The following PCOLCE2 variants were observed in gnomAD, a reference collection of about 807,000 sequenced individuals.
The protein encoded by PCOLCE2 is procollagen C-endopeptidase enhancer 2.
Under a neutral mutation model 47.0 loss-of-function variants are expected in PCOLCE2, and 42 were observed. The observed-to-expected ratio is 0.89, with a 90% CI of 0.70 to 1.16. The LOEUF (loss-of-function observed/expected upper bound fraction) is 1.16, where lower values mean the gene tolerates loss of function less well. PCOLCE2 is among the 50% of genes most tolerant of loss of function. The pLI is 0.00. For missense variants in PCOLCE2, 500 were observed against 526.1 expected, an observed-to-expected ratio of 0.95 and a Z score of 0.49; for synonymous variants, 169 against 191.7, an observed-to-expected ratio of 0.88 and a Z score of 0.98.
intron 5 of PCOLCE2, among the ~76,000 whole-genome samples, chr3:142,833,413 C>T (rs1239995987): frequency 6.6e-6 from 1 of 151,686 alleles, no homozygotes; most frequent in Non-Finnish European, 1.5e-5. Flanking sequence ...AACTCCTGAA[C>T]TCAAATGATC....
chr3:142,885,938 C>A (rs1317266183), intron 2 of PCOLCE2, among the ~76,000 whole-genome samples: 1 of 152,206 alleles, frequency 6.6e-6, no homozygotes, highest in Non-Finnish European at 1.5e-5. Context: ...GTTCTTCAGA[C>A]AAATCAAGCT....
chr3:142,886,966 C>T (rs147466935), intron 2 of PCOLCE2, among the ~76,000 whole-genome samples: 10 of 152,246 alleles, frequency 6.6e-5, no homozygotes, highest in African/African-American at 2.4e-4. Context: ...AACTTCCCAA[C>T]AACGAAAAAG....
At chr3:142,862,684 T>C (rs1560138410) in intron 2 of PCOLCE2, among the ~76,000 whole-genome samples, 1 of 152,112 alleles carries the variant, frequency 6.6e-6, no homozygotes, top group Non-Finnish European at 1.5e-5. Flanking sequence ...TATAAAATAA[T>C]GTATAAGAGT....
intron 2 of PCOLCE2, among the ~76,000 whole-genome samples, chr3:142,874,711 C>T (rs1933463726): frequency 1.3e-5 from 2 of 152,184 alleles, no homozygotes; most frequent in African/African-American, 4.8e-5. Flanking sequence ...CTTTCACTCA[C>T]CTACTACTGT....
intron 8 of PCOLCE2, among the ~76,000 whole-genome samples, chr3:142,819,144 TAC>T (rs1936985287): frequency 6.6e-6 from 1 of 152,248 alleles, no homozygotes; most frequent in African/African-American, 2.4e-5. Flanking sequence ...CTTGCATTTG[TAC>T]AGTTTCTTGC....
At position 142,881,900 on chromosome 3, in the gene PCOLCE2, T is replaced by C. The variant is rs557765530; in HGVS notation, c.192+5769A>G. On this transcript the variant is annotated intron_variant, in intron 2 of 8. Transcript: ENST00000295992. Reference sequence around the variant, plus strand: ...AACTTACGCTTTTTTCTTCATGGAGTAGCTAAATAAGAAAAATTTTGCCAC... The same window carrying C: ...AACTTACGCTTTTTTCTTCATGGAGCAGCTAAATAAGAAAAATTTTGCCAC... Among the ~76,000 whole-genome samples, 11 of 152,182 alleles carry C rather than the reference T, an allele frequency of 7.2e-5. No individual in the cohort carries two copies. In the East Asian group the frequency reaches 1.9e-3, roughly 27 times the overall value.
At chr3:142,859,630 A>C (rs1208123407) in intron 2 of PCOLCE2, among the ~76,000 whole-genome samples, 2 of 150,738 alleles carry the variant, frequency 1.3e-5, no homozygotes, top group Non-Finnish European at 2.9e-5. Flanking sequence ...CAGTGGCGTG[A>C]TATCGGCTCA....
chr3:142,824,031 C>T (rs1937045259), intron 6 of PCOLCE2, among the ~76,000 whole-genome samples: 1 of 152,164 alleles, frequency 6.6e-6, no homozygotes, highest in African/African-American at 2.4e-5. Context: ...CTGAGGACAT[C>T]CTTAAAATAT....
At chr3:142,860,636 G>C (rs781512207) in intron 2 of PCOLCE2, among the ~76,000 whole-genome samples, 1 of 152,114 alleles carries the variant, frequency 6.6e-6, no homozygotes, top group Non-Finnish European at 1.5e-5. Context: ...TCAAACTCCT[G>C]ACCTCAACTG....
intron 5 of PCOLCE2, among the ~76,000 whole-genome samples, chr3:142,833,372 T>C (rs762706142): frequency 6.6e-6 from 1 of 151,878 alleles, no homozygotes; most frequent in Non-Finnish European, 1.5e-5. Context: ...TTTTTAGAGA[T>C]AGGATTTCCA....
chr3:142,880,435 A>C (rs772558702), intron 2 of PCOLCE2, among the ~76,000 whole-genome samples: 4 of 152,212 alleles, frequency 2.6e-5, no homozygotes, highest in Admixed American at 6.5e-5. Flanking sequence ...GGTATAATTA[A>C]GTGACTTCAA....
intron 2 of PCOLCE2, among the ~76,000 whole-genome samples, chr3:142,853,592 T>C (rs1182503302): frequency 2.0e-5 from 3 of 152,164 alleles, no homozygotes; most frequent in Admixed American, 6.5e-5. Context: ...ACAGACAATA[T>C]ACCTACTGCT....
chr3:142,865,290 A>T lies in PCOLCE2; in HGVS notation c.193-16818T>A, dbSNP rs540402900. ...TATTGACCATTTATACATCTTCTCT[A>T]GTGAAATGTCTATTCAAATCTTTTG... On this transcript the variant is annotated intron_variant, in intron 2 of 8. Coordinates refer to ENST00000295992, the MANE Select transcript of PCOLCE2 (RefSeq NM_013363.4). Among the ~76,000 whole-genome samples the T allele has an allele frequency of 7.2e-5, 11 of 152,084 alleles. No homozygotes were observed. The South Asian group carries it at 1.9e-3, about 26-fold the overall frequency.
chr3:142,852,647 A>ATGTGTGTGTGTG (rs35154183), intron 2 of PCOLCE2, among the ~76,000 whole-genome samples: 2 of 144,720 alleles, frequency 1.4e-5, no homozygotes, highest in African/African-American at 5.1e-5. Context: ...GCTGATCAAA[A>ATGTGTGTGTGTG]TGTGTGTGTG....
chr3:142,853,828 G>A (rs1933004682), intron 2 of PCOLCE2, among the ~76,000 whole-genome samples: 1 of 152,124 alleles, frequency 6.6e-6, no homozygotes, highest in African/African-American at 2.4e-5. Context: ...ATTGATTTGG[G>A]GATTCATTAT....
intron 2 of PCOLCE2, among the ~76,000 whole-genome samples, chr3:142,867,018 G>C (rs1336920751): frequency 6.6e-6 from 1 of 152,166 alleles, no homozygotes; most frequent in African/African-American, 2.4e-5. Context: ...CCAGGTAGAA[G>C]CCACATTTGC....
intron 2 of PCOLCE2, among the ~76,000 whole-genome samples, chr3:142,879,765 C>A (rs193037292): frequency 2.0e-5 from 3 of 151,992 alleles, no homozygotes. Flanking sequence ...GTCAGGAGAT[C>A]GAGACCATCC....
chr3:142,887,644 G>T, intron 2 of PCOLCE2, 25 bp downstream of exon 2: 1 of 1,200,322 alleles, frequency 8.3e-7, no homozygotes, highest in Non-Finnish European at 1.2e-6. Context: ...ACTTCCAGGA[G>T]AATACCTTTT....
In PCOLCE2 at chr3:142,877,338, T is replaced by C. The variant is rs78011542; in HGVS notation, c.192+10331A>G. Among the ~76,000 whole-genome samples, 1,290 of 152,218 alleles carry C rather than the reference T, an allele frequency of 8.5e-3. 19 individuals carry two copies. The highest frequency in any genetic ancestry group is 0.029 in the African/African-American group (1,191 of 41,536). ...TATTTTAAATGAAGAAAGGACATAG[T>C]GAGTAGGAATGGGTATTTCCAATGG... is the stretch of plus-strand genomic sequence containing the variant. On this transcript the variant is annotated intron_variant, in intron 2 of 8. Coordinates refer to ENST00000295992, the MANE Select transcript of PCOLCE2 (RefSeq NM_013363.4).
Sources: allele counts gnomAD v4.1 joint callset (sites outside exome capture counted in the v4.1 genomes callset), GRCh38; gene constraint gnomAD v4.1.1; transcripts MANE v1.5; gene names NCBI Gene and HGNC (gene_info 2026-07-23, HGNC 2026-07-21).